The following RNLS variants were observed in gnomAD, a reference collection of about 807,000 sequenced individuals.
RNLS encodes renalase, FAD dependent amine oxidase.
RNLS carries 39 observed loss-of-function variants against 39.8 expected under a neutral mutation model. The ratio of observed to expected loss-of-function variants is 0.98; its 90% confidence interval spans 0.76 to 1.28. RNLS has a LOEUF of 1.28. Among genes scored for constraint, RNLS ranks in the 50% most tolerant of loss-of-function variants. The pLI is 0.00. For missense variants in RNLS, 410 were observed against 413.3 expected, an observed-to-expected ratio of 0.99 and a Z score of 0.07; for synonymous variants, 147 against 150.7, an observed-to-expected ratio of 0.98 and a Z score of 0.18.
intron 4 of RNLS, among the ~76,000 whole-genome samples, chr10:88,463,646 C>G (rs1342450): frequency 0.72 from 109,130 of 151,882 alleles, 40,491 homozygotes; most frequent in African/African-American, 0.92. Context: ...ATACCTAAAG[C>G]AGTTAATTGA....
intron 4 of RNLS, among the ~76,000 whole-genome samples, chr10:88,565,348 G>A (rs73357267): frequency 0.018 from 2,731 of 152,000 alleles, 48 homozygotes; most frequent in Middle Eastern, 0.054. Flanking sequence ...AATCAAATAA[G>A]AGCTGATTTT....
At chr10:88,194,143 C>G in the RNLS span, among the ~76,000 whole-genome samples, 1 of 152,196 alleles carries the variant, frequency 6.6e-6, no homozygotes, top group African/African-American at 2.4e-5. Context: ...CAAAGAACAG[C>G]TGGGCCTAAA....
At chr10:88,467,945 T>C (rs1040908122) in intron 4 of RNLS, among the ~76,000 whole-genome samples, 1 of 152,210 alleles carries the variant, frequency 6.6e-6, no homozygotes, top group Non-Finnish European at 1.5e-5. Flanking sequence ...TTGGGAAGCA[T>C]TGCCTTTTGC....
intron 4 of RNLS, among the ~76,000 whole-genome samples, chr10:88,538,086 G>A (rs1209542378): frequency 6.6e-6 from 1 of 152,162 alleles, no homozygotes; most frequent in Non-Finnish European, 1.5e-5. Context: ...GCACAATTAT[G>A]TGGAAATAAT....
chr10:88,343,745 A>T, intron 5 of RNLS: 2 of 985,404 alleles, frequency 2.0e-6, no homozygotes, highest in Non-Finnish European at 2.4e-6. Flanking sequence ...CCCAAGCTTC[A>T]TGAAAACATC....
In RNLS at chr10:88,284,128, A is replaced by C. The variant is rs895687681; in HGVS notation, c.*1226T>G. On this transcript the variant is annotated 3_prime_UTR_variant, in exon 7 of 7. Transcript: ENST00000331772. ...TGGCATTTAAGTTTTTCACCAATTT[A>C]TTGCTAAGAGGAAACATATAATAAT... 31 of 984,944 alleles carry C rather than the reference A, an allele frequency of 3.1e-5. No individual in the cohort carries two copies. The Admixed American group carries it at 9.2e-4, about 29-fold the overall frequency. The allele number at this position is 984,944 out of a possible 1,614,324, so 61.0% of individuals were successfully genotyped here. A position where few individuals can be genotyped will look rare whatever the true frequency, so the allele number is the denominator to read the frequency against.
intron 4 of RNLS, among the ~76,000 whole-genome samples, chr10:88,514,723 T>C (rs1292046133): frequency 6.6e-6 from 1 of 152,100 alleles, no homozygotes; most frequent in Non-Finnish European, 1.5e-5. Context: ...GGTTCATCCA[T>C]GTTGCAGCAC....
At chr10:88,280,141 G>A (rs1208146377), downstream of RNLS, among the ~76,000 whole-genome samples, 1 of 151,964 alleles carries the variant, frequency 6.6e-6, no homozygotes, top group Non-Finnish European at 1.5e-5. Context: ...CATCATCATT[G>A]TTATTATTTA....
At chr10:88,380,446 G>C (rs1325918495) in intron 4 of RNLS, among the ~76,000 whole-genome samples, 1 of 131,986 alleles carries the variant, frequency 7.6e-6, no homozygotes, top group Non-Finnish European at 1.6e-5. Context: ...CGTGATCTCC[G>C]CTCACTGCAA....
At chr10:88,398,023 A>C (rs574598820) in intron 4 of RNLS, among the ~76,000 whole-genome samples, 1 of 152,226 alleles carries the variant, frequency 6.6e-6, no homozygotes, top group African/African-American at 2.4e-5. Context: ...GGGCAACTGG[A>C]TATCTACATA....
At chr10:88,571,759 G>A (rs986129784) in intron 4 of RNLS, among the ~76,000 whole-genome samples, 3 of 152,098 alleles carry the variant, frequency 2.0e-5, no homozygotes, top group African/African-American at 7.2e-5. Context: ...CTCCTCACAT[G>A]TGCCTTTTGC....
intron 4 of RNLS, among the ~76,000 whole-genome samples, chr10:88,516,509 G>T (rs1413343522): frequency 6.6e-6 from 1 of 151,882 alleles, no homozygotes; most frequent in Non-Finnish European, 1.5e-5. Flanking sequence ...CATGGTATGA[G>T]AACTTAGTCT....
chr10:88,373,643 C>T (rs964846475), intron 4 of RNLS, among the ~76,000 whole-genome samples: 8 of 152,034 alleles, frequency 5.3e-5, no homozygotes, highest in African/African-American at 1.9e-4. Context: ...CATTTCTTTG[C>T]AATGTTTTAA....
chr10:88,456,642 T>G (rs1195058324), intron 4 of RNLS, among the ~76,000 whole-genome samples: 1 of 152,104 alleles, frequency 6.6e-6, no homozygotes, highest in Non-Finnish European at 1.5e-5. Flanking sequence ...ATGGGCAACA[T>G]ACAGCAAGGG....
At chr10:88,440,251 G>C (rs1362031378) in intron 4 of RNLS, among the ~76,000 whole-genome samples, 1 of 152,114 alleles carries the variant, frequency 6.6e-6, no homozygotes, top group Non-Finnish European at 1.5e-5. Flanking sequence ...AGTGCTTTAG[G>C]CTAAAGTAGT....
At chr10:88,206,639 T>C in the RNLS span, among the ~76,000 whole-genome samples, 2 of 152,128 alleles carry the variant, frequency 1.3e-5, no homozygotes, top group African/African-American at 2.4e-5. Context: ...AACTTTCCTA[T>C]TAAAGTTCAG....
At chr10:88,270,939 C>A (rs1842632914), downstream of RNLS, among the ~76,000 whole-genome samples, 1 of 152,200 alleles carries the variant, frequency 6.6e-6, no homozygotes, top group African/African-American at 2.4e-5. Context: ...GAGAGCCAGG[C>A]TCTCGCAGGC....
intron 4 of RNLS, among the ~76,000 whole-genome samples, chr10:88,430,594 G>GT (rs1201409785): frequency 6.6e-6 from 1 of 151,754 alleles, no homozygotes; most frequent in Non-Finnish European, 1.5e-5. Flanking sequence ...AAAGCATTTG[G>GT]TTTTTTTACT....
intron 5 of RNLS, among the ~76,000 whole-genome samples, chr10:88,354,194 T>G (rs1457968004): frequency 6.6e-6 from 1 of 152,242 alleles, no homozygotes; most frequent in Non-Finnish European, 1.5e-5. Context: ...GTCTTTTGAT[T>G]GGAGCATTTA....
Sources: allele counts gnomAD v4.1 joint callset (sites outside exome capture counted in the v4.1 genomes callset), GRCh38; gene constraint gnomAD v4.1.1; transcripts MANE v1.5; gene names NCBI Gene and HGNC (gene_info 2026-07-23, HGNC 2026-07-21).